Variants in DST observed in about 807,000 individuals in gnomAD.
The protein encoded by DST is dystonin, also known as bullous pemphigoid antigen.
A neutral mutation model predicts 875.2 loss-of-function variants in DST; 253 were observed. That is an observed-to-expected ratio of 0.29 (90% CI 0.26 to 0.32). The LOEUF (loss-of-function observed/expected upper bound fraction) is 0.32. Ranked by LOEUF, DST falls within the 10% of genes least tolerant of loss-of-function variation. The pLI, the probability that DST is intolerant of heterozygous loss-of-function variation, is 1.00. For missense variants in DST, 8,287 were observed against 9,111.6 expected (o/e 0.91, Z 3.68); for synonymous variants, 3,124 against 3,197.1 (o/e 0.98, Z 0.77).
chr6:56,850,664 T>TA (rs1764699690), intron 4 of DST, among the ~76,000 whole-genome samples: 1 of 152,142 alleles, frequency 6.6e-6, no homozygotes, highest in African/African-American at 2.4e-5. Flanking sequence ...ACAGGACACA[T>TA]ACACACAAAC....
chr6:56,924,039 G>A (rs777011623), intron 2 of DST, among the ~76,000 whole-genome samples: 5 of 152,042 alleles, frequency 3.3e-5, no homozygotes, highest in African/African-American at 9.7e-5. Context: ...CAATTGAATC[G>A]CTTGAGCCTG....
rs1587362814 is a variant in DST, at chr6:56,635,595, T to A, written c.3180A>T (p.Glu1060Asp). The part of the protein sequence containing the change: ...SIHKLEDLVQ[E>D]SMEEKEELLQ... ...ATAGGTTTTGTATTAGTACCATTGA[T>A]TCCTGAACAAGGTCTTCTAGCTTGT... The change falls in exon 24 of 104, where the codon GAA becomes GAT. Residue 1060 changes from glutamate (E) to aspartate (D), a missense_variant. By Grantham distance (45) the Glu-to-Asp change is conservative (BLOSUM62 2). Coordinates refer to ENST00000680361, the MANE Select transcript of DST (RefSeq NM_001374736.1). 6.2e-7 allele frequency: 1 copy of A among 1,614,000 alleles called. No homozygotes were observed. Among genetic ancestry groups the A allele is most frequent in the Admixed American group, 1.7e-5 (1 of 60,026 alleles).
chr6:56,593,593 G>A, intron 48 of DST, 70 bp downstream of exon 48: 1 of 1,279,972 alleles, frequency 7.8e-7, no homozygotes, highest in Non-Finnish European at 1.0e-6. Flanking sequence ...CTTGCCTCTT[G>A]TTCCAAAACT....
At chr6:56,489,207 A>T (rs1025448181) in intron 86 of DST, among the ~76,000 whole-genome samples, 5 of 152,202 alleles carry the variant, frequency 3.3e-5, no homozygotes, top group African/African-American at 1.2e-4. Flanking sequence ...TAAAACCACT[A>T]CAAATCCTTT....
At chr6:56,658,596 C>T (rs2099022619) in intron 10 of DST, among the ~76,000 whole-genome samples, 1 of 152,246 alleles carries the variant, frequency 6.6e-6, no homozygotes, top group South Asian at 2.1e-4. Context: ...ACGTATCTAT[C>T]AGCATAAAAA....
chr6:56,878,524 G>A (rs1257222787), intron 3 of DST, among the ~76,000 whole-genome samples: 1 of 152,158 alleles, frequency 6.6e-6, no homozygotes, highest in Non-Finnish European at 1.5e-5. Context: ...AGGAATTTGT[G>A]GATGGAAGGA....
At chr6:56,930,484 A>T (rs1809595774) in intron 2 of DST, among the ~76,000 whole-genome samples, 1 of 152,212 alleles carries the variant, frequency 6.6e-6, no homozygotes, top group Non-Finnish European at 1.5e-5. Flanking sequence ...AGGATTAAAA[A>T]TCTTTAGTTA....
chr6:56,859,970 G>T (rs1770146357), intron 3 of DST, among the ~76,000 whole-genome samples: 1 of 152,192 alleles, frequency 6.6e-6, no homozygotes, highest in Non-Finnish European at 1.5e-5. Context: ...TCTTCCAAGA[G>T]TATCCTATCC....
intron 4 of DST, among the ~76,000 whole-genome samples, chr6:56,779,421 G>A (rs1172538968): frequency 6.6e-6 from 1 of 152,012 alleles, no homozygotes; most frequent in African/African-American, 2.4e-5. Context: ...GGCTTTTGTT[G>A]CCATTGCTTT....
intron 63 of DST, among the ~76,000 whole-genome samples, chr6:56,533,100 A>G (rs2096925809): frequency 6.6e-6 from 1 of 152,204 alleles, no homozygotes; most frequent in Admixed American, 6.5e-5. Flanking sequence ...GCTTTTACAC[A>G]TCATTGGCAA....
At chr6:56,850,322 C>A (rs574984334) in intron 4 of DST, among the ~76,000 whole-genome samples, 1 of 150,942 alleles carries the variant, frequency 6.6e-6, no homozygotes, top group South Asian at 2.1e-4. Context: ...GGGTTCTCAG[C>A]TGCCTTGATG....
intron 2 of DST, among the ~76,000 whole-genome samples, chr6:56,924,240 C>A (rs188501620): frequency 6.6e-6 from 1 of 152,142 alleles, no homozygotes; most frequent in Admixed American, 6.5e-5. Context: ...TGCCAAAATT[C>A]ATGGTATAAA....
At chr6:56,706,271 G>A (rs1563784112) in intron 5 of DST, among the ~76,000 whole-genome samples, 2 of 150,626 alleles carry the variant, frequency 1.3e-5, no homozygotes, top group African/African-American at 2.5e-5. Flanking sequence ...CCGAGATCAA[G>A]CCATTGCACT....
chr6:56,649,462 C>A (rs1217861947), intron 12 of DST, among the ~76,000 whole-genome samples: 1 of 152,020 alleles, frequency 6.6e-6, no homozygotes, highest in African/African-American at 2.4e-5. Context: ...GTAGTACATG[C>A]TAGTTGAGAT....
At chr6:56,950,742 T>C (rs1821895455) in intron 2 of DST, among the ~76,000 whole-genome samples, 1 of 152,248 alleles carries the variant, frequency 6.6e-6, no homozygotes, top group Non-Finnish European at 1.5e-5. Flanking sequence ...GAAGTTACAC[T>C]GTTCAGGCCT....
chr6:56,598,524 CT>C lies in DST; in HGVS notation c.11879del (p.Lys3960ArgfsTer7). Reference protein sequence around the residue: ...QLNLKAEQSKKELDKVVTTAI... With the variant: ...QLNLKAEQSKXELDKVVTTAI... ...CTGTTGTCACAACTTTATCCAGCTC[CT>C]TTTTAGACTGTTCTGCTTTTAAATT... On this transcript the variant is annotated frameshift_variant, in exon 46 of 104. Transcript: ENST00000680361. LOFTEE classifies it high-confidence loss of function. The C allele has an allele frequency of 6.3e-7, 1 of 1,595,286 alleles. No homozygotes were observed. Among genetic ancestry groups the C allele is most frequent in the South Asian group, 1.2e-5 (1 of 85,930 alleles).
chr6:56,941,181 A>G (rs1816345949), intron 2 of DST, among the ~76,000 whole-genome samples: 1 of 152,176 alleles, frequency 6.6e-6, no homozygotes, highest in African/African-American at 2.4e-5. Context: ...AAGCAGTTAA[A>G]GCTATATGTT....
rs949719263 is a variant in DST, at chr6:56,589,172, C to G, written c.12903+3010G>C. On this transcript the variant is annotated intron_variant, in intron 49 of 103. Transcript: ENST00000680361. ...ATGAATAAATACATCTAAAAGTGATCATGGTTCTATTAGAATATCCAATAC... is the reference window on the plus strand; with the variant it reads ...ATGAATAAATACATCTAAAAGTGATGATGGTTCTATTAGAATATCCAATAC... Among the ~76,000 whole-genome samples, 9 of 152,266 alleles carry G rather than the reference C, an allele frequency of 5.9e-5. No individual in the cohort carries two copies. The South Asian group carries it at 1.9e-3, about 32-fold the overall frequency.
At chr6:56,764,768 G>A (rs1360404162) in intron 4 of DST, among the ~76,000 whole-genome samples, 1 of 152,056 alleles carries the variant, frequency 6.6e-6, no homozygotes, top group African/African-American at 2.4e-5. Context: ...GACCAGGCTG[G>A]CCAACATGGT....
Sources: allele counts gnomAD v4.1 joint callset (sites outside exome capture counted in the v4.1 genomes callset), GRCh38; gene constraint gnomAD v4.1.1; transcripts MANE v1.5; gene names NCBI Gene and HGNC (gene_info 2026-07-23, HGNC 2026-07-21).